The following EFCAB8 variants were observed in gnomAD, a reference collection of about 807,000 sequenced individuals.
EFCAB8 encodes the protein EF-hand calcium-binding domain-containing protein 8.
In EFCAB8, 100 loss-of-function variants were observed where a neutral mutation model predicts 116.3. That is an observed-to-expected ratio of 0.86 (90% CI 0.73 to 1.02). The LOEUF is 1.02. Among genes scored for constraint, EFCAB8 ranks in the 50% least tolerant of loss-of-function variants. The pLI, the probability that EFCAB8 is intolerant of heterozygous loss-of-function variation, is 0.00. For missense variants in EFCAB8, 1,320 were observed against 1,416.9 expected (o/e 0.93, Z 1.10); for synonymous variants, 558 against 567.9 (o/e 0.98, Z 0.25).
intron 20 of EFCAB8, among the ~76,000 whole-genome samples, chr20:32,929,557 G>C (rs1202260118): frequency 7.7e-6 from 1 of 129,526 alleles, no homozygotes; most frequent in African/African-American, 3.0e-5. Flanking sequence ...TGCACAGGCT[G>C]TCTCGATCTC....
intron 5 of EFCAB8, 122 bp from the exon 6 acceptor site, chr20:32,885,383 C>T (rs1985565966): frequency 4.5e-6 from 6 of 1,324,344 alleles, no homozygotes; most frequent in African/African-American, 1.5e-5. Context: ...CATGTGCGTG[C>T]GTGTGCGTGA....
At chr20:32,907,408 C>G (rs1600409527) in intron 13 of EFCAB8, among the ~76,000 whole-genome samples, 1 of 152,254 alleles carries the variant, frequency 6.6e-6, no homozygotes, top group African/African-American at 2.4e-5. Flanking sequence ...AGTGACCCCT[C>G]CTCGGCTGCC....
intron 1 of EFCAB8, among the ~76,000 whole-genome samples, chr20:32,861,564 C>T (rs796517574): frequency 3.9e-5 from 6 of 152,284 alleles, no homozygotes; most frequent in African/African-American, 1.4e-4. Context: ...GCTAGAAGTA[C>T]AGATGTGAGC....
intron 1 of EFCAB8, 79 bp downstream of exon 1, chr20:32,859,085 G>C: frequency 4.3e-6 from 2 of 469,700 alleles, no homozygotes; most frequent in South Asian, 3.1e-5. Flanking sequence ...GACCTCCAAG[G>C]CTGGAGAGCA....
At chr20:32,866,603 T>C (rs565716018) in intron 2 of EFCAB8, among the ~76,000 whole-genome samples, 96 of 151,950 alleles carry the variant, frequency 6.3e-4, no homozygotes, top group African/African-American at 2.2e-3. Flanking sequence ...TGTATGAGCA[T>C]TGGTGTGTTG....
At chr20:32,926,363 T>C (rs1034720471) in intron 20 of EFCAB8, among the ~76,000 whole-genome samples, 2 of 152,194 alleles carry the variant, frequency 1.3e-5, no homozygotes, top group African/African-American at 4.8e-5. Context: ...ACGTTAAATT[T>C]TTTTTTATGG....
At chr20:32,874,198 G>A (rs6120008) in intron 3 of EFCAB8, among the ~76,000 whole-genome samples, 1 of 152,066 alleles carries the variant, frequency 6.6e-6, no homozygotes, top group Non-Finnish European at 1.5e-5. Flanking sequence ...TGGGATTATA[G>A]GTGTGAACAC....
rs779440150 is a variant in EFCAB8 at position 32,878,795 on chromosome 20, C to T, written c.419C>T (p.Thr140Met). ...CGCCTGCACTTCTACCTTCCCATGACGGTCGTCCCCCTGTAAGGAGCCTCT... is the reference window on the plus strand; with the variant it reads ...CGCCTGCACTTCTACCTTCCCATGATGGTCGTCCCCCTGTAAGGAGCCTCT... Reference protein sequence around the residue: ...QYRLHFYLPMTVVPLNHGCEV... With the variant: ...QYRLHFYLPMMVVPLNHGCEV... The change falls in exon 5 of 27, where the codon ACG becomes ATG. Residue 140 changes from threonine to methionine, a missense_variant. Thr to Met is a moderately conservative substitution (Grantham distance 81). Coordinates refer to ENST00000400522, the MANE Select transcript of EFCAB8 (RefSeq NM_001143967.2). The T allele has an allele frequency of 2.1e-5, 33 of 1,552,020 alleles. No individual in the cohort carries two copies. Among genetic ancestry groups the T allele is most frequent in the Middle Eastern group, 1.7e-4 (1 of 6,014 alleles).
intron 22 of EFCAB8, among the ~76,000 whole-genome samples, chr20:32,940,349 C>G (rs1288981688): frequency 6.7e-6 from 1 of 149,244 alleles, no homozygotes; most frequent in Non-Finnish European, 1.5e-5. Context: ...TAAAACATGT[C>G]CTGCTGGGAC....
Position 32,875,502 on chromosome 20 carries a change from G to GTTTTTTTT in EFCAB8, c.209-413_209-406dup, listed in dbSNP as rs57620114. ...CTGAGCACACCTGGTAAACATGGTGGTTTTTTTTTTTTTTTTTTGAGACAG... is the reference window on the plus strand; with the variant it reads ...CTGAGCACACCTGGTAAACATGGTGGTTTTTTTTTTTTTTTTTTTTTTTTTTGAGACAG... On this transcript the variant is annotated intron_variant, in intron 3 of 26. Coordinates refer to ENST00000400522, the MANE Select transcript of EFCAB8 (RefSeq NM_001143967.2). Among the ~76,000 whole-genome samples the GTTTTTTTT allele has an allele frequency of 1.1e-3, 100 of 89,890 alleles. 9 individuals are homozygous for GTTTTTTTT. Among genetic ancestry groups the GTTTTTTTT allele is most frequent in the Non-Finnish European group, 1.9e-3 (75 of 38,728 alleles). The allele number at this position is 89,890 out of a possible 152,430, so 59.0% of individuals were successfully genotyped here.
chr20:32,889,175 G>A (rs546544718), intron 6 of EFCAB8, 126 bp from the exon 7 acceptor site: 345 of 711,782 alleles, frequency 4.8e-4, no homozygotes, highest in Admixed American at 1.6e-3. Flanking sequence ...AGACTTAGTG[G>A]TAGTGCTAGG....
chr20:32,940,411 A>G (rs1207041886), intron 22 of EFCAB8, among the ~76,000 whole-genome samples: 1 of 149,762 alleles, frequency 6.7e-6, no homozygotes, highest in Non-Finnish European at 1.5e-5. Flanking sequence ...CTCCTACCTC[A>G]TAACACATAC....
intron 2 of EFCAB8, among the ~76,000 whole-genome samples, chr20:32,866,075 G>A (rs1984384213): frequency 1.3e-5 from 2 of 152,138 alleles, no homozygotes; most frequent in South Asian, 4.1e-4. Context: ...GGTGTGTAGT[G>A]AGAGCCTTCA....
chr20:32,961,480 G>C lies in EFCAB8; in HGVS notation c.3738G>C (p.Pro1246=). The change falls in exon 27 of 27, where the codon CCG becomes CCC. Residue 1246 remains proline, a synonymous_variant. Transcript: ENST00000400522. The stretch of plus-strand genomic sequence containing the variant: ...ATTCCACCCCCTCGGTCCCATCCCC[G>C]GTGTCCAAGTCCACCCTGCAGGGGT... ...TAHSTPSVPS[P]VSKSTLQGSV... is the part of the protein sequence containing the mutation. The C allele has an allele frequency of 6.9e-7, 1 of 1,448,778 alleles. No homozygotes were observed. Among genetic ancestry groups the C allele is most frequent in the East Asian group, 2.5e-5 (1 of 39,770 alleles). 89.7% of individuals were successfully genotyped at this position (1,448,778 alleles called of 1,614,324 possible).
intron 2 of EFCAB8, among the ~76,000 whole-genome samples, chr20:32,865,794 C>CA (rs576681552): frequency 0.045 from 5,253 of 115,452 alleles, 250 homozygotes; most frequent in East Asian, 0.25. Context: ...GACTCTGTCT[C>CA]AAAAAAAAAA....
intron 1 of EFCAB8, among the ~76,000 whole-genome samples, chr20:32,862,020 G>A (rs562993249): frequency 2.3e-4 from 35 of 152,090 alleles, no homozygotes; most frequent in Non-Finnish European, 4.4e-4. Flanking sequence ...ACTTTGTAGC[G>A]TCCCATTCTC....
At chr20:32,948,948 T>A (rs1283682585) in intron 23 of EFCAB8, among the ~76,000 whole-genome samples, 1 of 152,084 alleles carries the variant, frequency 6.6e-6, no homozygotes, top group African/African-American at 2.4e-5. Context: ...GAATAAGACA[T>A]GTCACTTCGA....
chr20:32,957,824 A>G (rs149176291), intron 23 of EFCAB8, among the ~76,000 whole-genome samples: 1 of 150,944 alleles, frequency 6.6e-6, no homozygotes, highest in African/African-American at 2.4e-5. Flanking sequence ...TCTTGGAAAG[A>G]CTTGTCCCTT....
chr20:32,892,185 T>A (rs1985952187), intron 7 of EFCAB8, 28 bp from the exon 8 acceptor site: 1 of 1,544,104 alleles, frequency 6.5e-7, no homozygotes, highest in African/African-American at 1.4e-5. Flanking sequence ...GGCTGTGGGC[T>A]CTATGTGGCC....
Sources: gnomAD v4.1 joint callset for allele counts (sites outside exome capture counted in the v4.1 genomes callset) on GRCh38, gnomAD v4.1.1 for gene constraint, MANE v1.5 for transcripts, NCBI Gene and HGNC (gene_info 2026-07-23, HGNC 2026-07-21) for gene names.